Variants in ZNF804A observed in about 807,000 individuals in gnomAD.
ZNF804A encodes the protein zinc finger protein 804A.
A neutral mutation model predicts 16.5 loss-of-function variants in ZNF804A; 2 were observed. The ratio of observed to expected loss-of-function variants is 0.12; its 90% CI spans 0.05 to 0.38. The LOEUF (loss-of-function observed/expected upper bound fraction) is 0.38. Ranked by LOEUF, ZNF804A falls within the 10% of genes least tolerant of loss-of-function variation. ZNF804A has a pLI of 0.99. For missense variants in ZNF804A, 1,473 were observed against 1,390.7 expected, an observed-to-expected ratio of 1.06 and a Z score of -0.94; for synonymous variants, 534 against 489.6, an observed-to-expected ratio of 1.09 and a Z score of -1.20.
intron 1 of ZNF804A, among the ~76,000 whole-genome samples, chr2:184,757,490 G>T (rs914489181): frequency 6.6e-6 from 1 of 151,790 alleles, no homozygotes; most frequent in African/African-American, 2.4e-5. Context: ...TTTTACTACT[G>T]ATTTTTGACT....
chr2:184,771,719 C>A (rs1362763153), intron 1 of ZNF804A, among the ~76,000 whole-genome samples: 4 of 152,054 alleles, frequency 2.6e-5, no homozygotes, highest in Non-Finnish European at 5.9e-5. Flanking sequence ...AGGACTGAGG[C>A]CCTCAGTTTG....
chr2:184,842,866 G>C (rs1022892890), intron 1 of ZNF804A, among the ~76,000 whole-genome samples: 3 of 152,236 alleles, frequency 2.0e-5, no homozygotes, highest in African/African-American at 7.2e-5. Flanking sequence ...TGTAAATATA[G>C]TTTCTAGAAG....
intron 1 of ZNF804A, among the ~76,000 whole-genome samples, chr2:184,720,534 T>C (rs1455953405): frequency 1.3e-5 from 2 of 152,002 alleles, no homozygotes; most frequent in African/African-American, 4.8e-5. Flanking sequence ...ATAAAATACC[T>C]AGGAATGAAT....
Position 184,868,496 on chromosome 2 carries a change from A to T in ZNF804A, c.255+1984A>T, listed in dbSNP as rs372841530. 7.2e-5 allele frequency among the ~76,000 whole-genome samples: 11 copies of T among 152,154 alleles called. 2 individuals carry two copies. On this transcript the variant is annotated intron_variant, in intron 2 of 3. Transcript: ENST00000302277. ...TCTCTCTTGAGAACTTGAAATTGGG[A>T]TGTGATTAAAAAGAAAAAAATGCCT... is the stretch of plus-strand genomic sequence containing the variant.
chr2:184,938,758 C>G lies in ZNF804A; in HGVS notation c.3362C>G (p.Thr1121Ser), dbSNP rs754516369. ...AAAAAAAAAGTFKVLQPHQQF... is the reference protein window; with the variant it reads ...AAAAAAAAAGSFKVLQPHQQF... ...GCAGCTGCAGCCGCAGCTGCAGGAA[C>G]CTTTAAAGTGCTTCAGCCACACCAA... The change falls in exon 4 of 4, where the codon ACC becomes AGC. Residue 1121 changes from threonine (T) to serine (S), a missense_variant. Thr to Ser is a moderately conservative substitution (Grantham distance 58). Coordinates refer to ENST00000302277, the MANE Select transcript of ZNF804A (RefSeq NM_194250.2). 6 of 1,613,522 alleles carry G rather than the reference C, an allele frequency of 3.7e-6. No individual in the cohort carries two copies. The African/African-American group carries it at 6.7e-5, about 18-fold the overall frequency.
intron 1 of ZNF804A, among the ~76,000 whole-genome samples, chr2:184,816,210 A>T (rs1457016956): frequency 6.6e-6 from 1 of 152,050 alleles, no homozygotes; most frequent in Non-Finnish European, 1.5e-5. Context: ...TGGATTCAGC[A>T]AGCCACTAGG....
At chr2:184,799,734 G>T (rs957986728) in intron 1 of ZNF804A, among the ~76,000 whole-genome samples, 1 of 152,008 alleles carries the variant, frequency 6.6e-6, no homozygotes, top group Non-Finnish European at 1.5e-5. Context: ...GTAGAGATAA[G>T]GTTTTGCCAT....
In ZNF804A at chr2:184,933,662, A is replaced by G; in HGVS notation, c.315A>G (p.Lys105=). Residue 105 remains lysine (K), a synonymous_variant, in exon 3 of 4, where the codon AAA becomes AAG. Coordinates refer to ENST00000302277, the MANE Select transcript of ZNF804A (RefSeq NM_194250.2). ...GAAATGTAGCATCTAAATCCAGGAA[A>G]GATGAAAGAAAACAGGAAAAGGCAC... is the stretch of plus-strand genomic sequence containing the variant. ...FARNVASKSR[K]DERKQEKALQ... 1.2e-6 allele frequency: 2 copies of G among 1,611,232 alleles called. No homozygotes were observed. Among genetic ancestry groups the G allele is most frequent in the Non-Finnish European group, 1.7e-6 (2 of 1,178,896 alleles).
intron 2 of ZNF804A, among the ~76,000 whole-genome samples, chr2:184,924,245 G>T (rs1000169978): frequency 3.3e-5 from 5 of 151,758 alleles, no homozygotes; most frequent in African/African-American, 9.7e-5. Flanking sequence ...CTTCCATCTC[G>T]TTACTTGTTA....
At chr2:184,844,811 C>T (rs1290973186) in intron 1 of ZNF804A, among the ~76,000 whole-genome samples, 1 of 148,542 alleles carries the variant, frequency 6.7e-6, no homozygotes, top group East Asian at 1.9e-4. Context: ...TCTTCTACTC[C>T]ACTTCTCTCT....
intron 2 of ZNF804A, among the ~76,000 whole-genome samples, chr2:184,932,063 C>T (rs1685710908): frequency 1.3e-5 from 2 of 152,180 alleles, no homozygotes; most frequent in African/African-American, 2.4e-5. Context: ...ACCACCTCAG[C>T]CTGGACTTTA....
At chr2:184,740,982 C>A (rs1012782188) in intron 1 of ZNF804A, among the ~76,000 whole-genome samples, 1 of 151,924 alleles carries the variant, frequency 6.6e-6, no homozygotes, top group African/African-American at 2.4e-5. Context: ...TAATAGATGT[C>A]GGTTGTAAAA....
intron 1 of ZNF804A, among the ~76,000 whole-genome samples, chr2:184,722,816 A>G (rs1402976841): frequency 6.6e-6 from 1 of 151,996 alleles, no homozygotes; most frequent in African/African-American, 2.4e-5. Context: ...CCCTAAGAAA[A>G]TTTCATCAGA....
At chr2:184,824,418 G>A (rs1273234710) in intron 1 of ZNF804A, among the ~76,000 whole-genome samples, 4 of 151,270 alleles carry the variant, frequency 2.6e-5, no homozygotes, top group Admixed American at 2.0e-4. Context: ...ACTTGATAAC[G>A]TTTGTTACAT....
At chr2:184,902,282 G>C (rs1303717367) in intron 2 of ZNF804A, 1 of 157,568 alleles carries the variant, frequency 6.3e-6, no homozygotes, top group Non-Finnish European at 1.4e-5. Flanking sequence ...CATCCTCAAT[G>C]AGCACAACTG....
intron 1 of ZNF804A, among the ~76,000 whole-genome samples, chr2:184,746,294 G>GTAT (rs1462039612): frequency 6.6e-6 from 1 of 151,294 alleles, no homozygotes; most frequent in African/African-American, 2.4e-5. Flanking sequence ...CCTTCTAAGT[G>GTAT]TATTTTTGGA....
At chr2:184,682,233 G>A (rs564319054) in intron 1 of ZNF804A, among the ~76,000 whole-genome samples, 1 of 152,232 alleles carries the variant, frequency 6.6e-6, no homozygotes, top group Admixed American at 6.5e-5. Context: ...CAAGCCCGGA[G>A]GGTGTCAGCA....
chr2:184,809,992 T>C (rs949948048), intron 1 of ZNF804A, among the ~76,000 whole-genome samples: 2 of 152,176 alleles, frequency 1.3e-5, no homozygotes, highest in Non-Finnish European at 2.9e-5. Context: ...TTTCAATAAA[T>C]GTTTGACTTG....
intron 2 of ZNF804A, among the ~76,000 whole-genome samples, chr2:184,919,320 G>A (rs1472113022): frequency 6.6e-6 from 1 of 152,156 alleles, no homozygotes; most frequent in African/African-American, 2.4e-5. Flanking sequence ...CTGTATCAGG[G>A]GTCAGTGGTG....
Sources: allele counts gnomAD v4.1 joint callset (sites outside exome capture counted in the v4.1 genomes callset), GRCh38; gene constraint gnomAD v4.1.1; transcripts MANE v1.5; gene names NCBI Gene and HGNC (gene_info 2026-07-23, HGNC 2026-07-21).